Variants in MYPN observed in about 807,000 individuals in gnomAD.
MYPN encodes the protein myopalladin, also known as sarcomeric protein myopalladin, 145 kDa (MYOP).
MYPN carries 63 observed loss-of-function variants against 129.4 expected under a neutral mutation model. The ratio of observed to expected loss-of-function variants is 0.49; its 90% CI spans 0.40 to 0.60. The LOEUF is 0.60. Among genes scored for constraint, MYPN ranks in the 20% least tolerant of loss-of-function variants. MYPN has a pLI of 0.00. For synonymous variants in MYPN, 629 were observed against 600.9 expected (o/e 1.05, Z -0.68); for missense variants, 1,596 against 1,635.4 (o/e 0.98, Z 0.42).
At position 68,136,730 on chromosome 10, in the gene MYPN, T is replaced by C. The variant is rs943297720; in HGVS notation, c.903-6210T>C. On this transcript the variant is annotated intron_variant, in intron 2 of 19. Coordinates refer to ENST00000358913, the MANE Select transcript of MYPN (RefSeq NM_032578.4). ...CTCATAGATGTTTCCACTCTCATTT[T>C]GGTAAGGACGAGAAATGTTCTCTAA... The C allele has an allele frequency of 5.2e-6, 8 of 1,535,202 alleles. No individual in the cohort carries two copies. The African/African-American group carries it at 1.1e-4, about 21-fold the overall frequency.
At chr10:68,195,414 T>C in intron 14 of MYPN, 36 bp from the exon 15 acceptor site, 1 of 1,591,700 alleles carries the variant, frequency 6.3e-7, no homozygotes, top group South Asian at 1.1e-5. Flanking sequence ...TGTGAGATTG[T>C]TCTTGTTTTA....
intron 19 of MYPN, among the ~76,000 whole-genome samples, chr10:68,209,671 C>CTTTTTTTTTTTTTTTTTTT (rs35392300): frequency 3.0e-4 from 39 of 131,188 alleles, no homozygotes; most frequent in East Asian, 9.2e-4. Context: ...GAATTCTTTT[C>CTTTTTTTTTTTTTTTTTTT]TTTTTTTTTT....
At chr10:68,128,753 T>C (rs531631413) in intron 2 of MYPN, among the ~76,000 whole-genome samples, 1 of 152,190 alleles carries the variant, frequency 6.6e-6, no homozygotes, top group South Asian at 2.1e-4. Context: ...TTCTTGAAAA[T>C]CAATATTAAG....
At chr10:68,153,799 A>G (rs1227376521) in intron 6 of MYPN, among the ~76,000 whole-genome samples, 1 of 152,088 alleles carries the variant, frequency 6.6e-6, no homozygotes, top group Non-Finnish European at 1.5e-5. Context: ...TTATTTGCAT[A>G]TGTTTGTTTG....
At chr10:68,202,111 G>A (rs577064051) in intron 18 of MYPN, 117 bp downstream of exon 18, 120 of 1,222,438 alleles carry the variant, frequency 9.8e-5, no homozygotes, top group Non-Finnish European at 1.3e-4. Context: ...ATGCATTTGC[G>A]TTTCATTGAT....
chr10:68,210,278 T>C lies in MYPN; in HGVS notation c.3794-8T>C, dbSNP rs778883331. 2 of 1,612,932 alleles carry C rather than the reference T, an allele frequency of 1.2e-6. No individual in the cohort carries two copies. Among genetic ancestry groups the C allele is most frequent in the Non-Finnish European group, 1.7e-6 (2 of 1,179,984 alleles). The stretch of plus-strand genomic sequence containing the variant: ...TGATCATAACACATTATTTGGTCCA[T>C]TTTCCAGCTCAGTGGCACCATCAGA... On this transcript the variant is annotated splice_polypyrimidine_tract_variant and splice_region_variant and intron_variant, in intron 19 of 19. Transcript: ENST00000358913.
chr10:68,147,501 A>C lies in MYPN; in HGVS notation c.1131-852A>C, dbSNP rs148197304. On this transcript the variant is annotated intron_variant, in intron 4 of 19. Coordinates refer to ENST00000358913, the MANE Select transcript of MYPN (RefSeq NM_032578.4). The stretch of plus-strand genomic sequence containing the variant: ...ATTTTAGAGATGAGGAAGCTGAGGC[A>C]AAGAGATATAACACCTAGACCAAAG... Among the ~76,000 whole-genome samples, 540 of 152,260 alleles carry C rather than the reference A, an allele frequency of 3.5e-3. 2 individuals carry two copies. Among genetic ancestry groups the C allele is most frequent in the African/African-American group, 0.011 (437 of 41,542 alleles).
At chr10:68,141,954 T>C (rs990056908) in intron 2 of MYPN, among the ~76,000 whole-genome samples, 2 of 152,244 alleles carry the variant, frequency 1.3e-5, no homozygotes, top group African/African-American at 2.4e-5. Flanking sequence ...TTCTGTTGTG[T>C]GACTGCATCA....
At chr10:68,170,652 C>A (rs1323788200) in intron 10 of MYPN, among the ~76,000 whole-genome samples, 1 of 152,112 alleles carries the variant, frequency 6.6e-6, no homozygotes, top group African/African-American at 2.4e-5. Flanking sequence ...CATTTTTAAA[C>A]CTTGTATCAT....
chr10:68,135,111 C>T (rs184028205), intron 2 of MYPN, among the ~76,000 whole-genome samples: 130 of 152,146 alleles, frequency 8.5e-4, no homozygotes, highest in African/African-American at 3.0e-3. Context: ...GCTACCATGC[C>T]TGGCTAATTT....
intron 10 of MYPN, among the ~76,000 whole-genome samples, chr10:68,169,557 C>G (rs1216089762): frequency 6.6e-6 from 1 of 152,102 alleles, no homozygotes; most frequent in Non-Finnish European, 1.5e-5. Flanking sequence ...GACAGGGAGT[C>G]TGGGGCTGTG....
At chr10:68,096,022 AAATAG>A (rs1203961040) in intron 1 of MYPN, among the ~76,000 whole-genome samples, 1 of 152,252 alleles carries the variant, frequency 6.6e-6, no homozygotes, top group African/African-American at 2.4e-5. Flanking sequence ...CACAAAATTG[AAATAG>A]AATAGAATTA....
At chr10:68,182,428 CACATATATATA>C (rs1464063624) in intron 12 of MYPN, among the ~76,000 whole-genome samples, 32 of 92,288 alleles carry the variant, frequency 3.5e-4, no homozygotes, top group East Asian at 1.9e-3. Context: ...ATATATATAA[CACATATATATA>C]ACATATATAT....
At chr10:68,139,558 G>A (rs547464419) in intron 2 of MYPN, among the ~76,000 whole-genome samples, 1 of 152,082 alleles carries the variant, frequency 6.6e-6, no homozygotes, top group Non-Finnish European at 1.5e-5. Context: ...TTGTTTAATC[G>A]GACATCCAGT....
rs768419414 is a variant in MYPN at position 68,211,799 on chromosome 10, T to C, written c.*1344T>C. On this transcript the variant is annotated 3_prime_UTR_variant, in exon 20 of 20. Coordinates refer to ENST00000358913, the MANE Select transcript of MYPN (RefSeq NM_032578.4). ...AGTCCAAACACTGCCCTGGGAATGCTCATCACAGCACAGTTTGCTCTAGGC... is the reference window on the plus strand; with the variant it reads ...AGTCCAAACACTGCCCTGGGAATGCCCATCACAGCACAGTTTGCTCTAGGC... The C allele has an allele frequency of 2.9e-4, 131 of 454,004 alleles. No homozygotes were observed. Among genetic ancestry groups the C allele is most frequent in the Non-Finnish European group, 3.2e-4 (72 of 226,794 alleles). The allele number at this position is 454,004 out of a possible 1,614,324, so 28.1% of individuals were successfully genotyped here.
chr10:68,114,912 A>G (rs2042134152), intron 1 of MYPN, among the ~76,000 whole-genome samples: 1 of 150,428 alleles, frequency 6.6e-6, no homozygotes, highest in South Asian at 2.1e-4. Flanking sequence ...TGAAAGTGGG[A>G]AAAAAAATCT....
intron 6 of MYPN, among the ~76,000 whole-genome samples, chr10:68,157,847 A>AAACC (rs2042904642): frequency 1.2e-5 from 1 of 86,272 alleles, no homozygotes; most frequent in South Asian, 4.1e-4. Context: ...GTCTCAGAAA[A>AAACC]AAACAAACAA....
intron 2 of MYPN, chr10:68,136,309 A>G: frequency 1.0e-6 from 1 of 973,802 alleles, no homozygotes; most frequent in Non-Finnish European, 1.2e-6. Context: ...ATTTATCCCA[A>G]TCATTGACTC....
chr10:68,109,953 A>G (rs946160514), intron 1 of MYPN, among the ~76,000 whole-genome samples: 5 of 152,226 alleles, frequency 3.3e-5, no homozygotes, highest in Admixed American at 3.3e-4. Context: ...TGAGTTCCTA[A>G]GGAAAAATAT....
Sources: gnomAD v4.1 joint callset for allele counts (sites outside exome capture counted in the v4.1 genomes callset) on GRCh38, gnomAD v4.1.1 for gene constraint, MANE v1.5 for transcripts, NCBI Gene and HGNC (gene_info 2026-07-23, HGNC 2026-07-21) for gene names.